DARS1: variants seen among roughly 807,000 people sequenced by gnomAD.
DARS1 encodes the protein aspartyl-tRNA synthetase 1.
Under a neutral mutation model 68.8 loss-of-function variants are expected in DARS1, and 51 were observed. The observed-to-expected ratio is 0.74, with a 90% CI of 0.59 to 0.94. The LOEUF (loss-of-function observed/expected upper bound fraction) is 0.94. DARS1 is among the 40% of genes least tolerant of loss of function. The pLI, the probability that DARS1 is intolerant of heterozygous loss-of-function variation, is 0.00. For missense variants in DARS1, 607 were observed against 597.3 expected, an observed-to-expected ratio of 1.02 and a Z score of -0.17; for synonymous variants, 203 against 190.4, an observed-to-expected ratio of 1.07 and a Z score of -0.55.
At chr2:135,928,922 A>C (rs1681283482) in intron 7 of DARS1, among the ~76,000 whole-genome samples, 1 of 152,170 alleles carries the variant, frequency 6.6e-6, no homozygotes, top group South Asian at 2.1e-4. Context: ...CTAATTGAAC[A>C]AAAGGAATAT....
At chr2:135,935,661 T>A (rs1681453396) in intron 5 of DARS1, among the ~76,000 whole-genome samples, 1 of 152,162 alleles carries the variant, frequency 6.6e-6, no homozygotes, top group African/African-American at 2.4e-5. Context: ...TAATTTCACA[T>A]TTTAGTGATA....
intron 7 of DARS1, 30 bp from the exon 8 acceptor site, chr2:135,924,528 T>C: frequency 6.3e-7 from 1 of 1,586,634 alleles, no homozygotes; most frequent in Non-Finnish European, 8.5e-7. Context: ...TCTAATTAAA[T>C]CAACGTACTT....
At chr2:135,941,210 C>T (rs1215055454) in intron 5 of DARS1, among the ~76,000 whole-genome samples, 1 of 152,178 alleles carries the variant, frequency 6.6e-6, no homozygotes, top group Non-Finnish European at 1.5e-5. Context: ...GAAGACAATC[C>T]TAAGCCAAAA....
chr2:135,948,594 G>C (rs557021070), intron 4 of DARS1, among the ~76,000 whole-genome samples: 4 of 152,332 alleles, frequency 2.6e-5, no homozygotes, highest in African/African-American at 9.6e-5. Context: ...GCTGGGTACA[G>C]TGGCTCATGC....
intron 3 of DARS1, among the ~76,000 whole-genome samples, chr2:135,966,678 T>G (rs1302301437): frequency 6.6e-6 from 1 of 152,148 alleles, no homozygotes; most frequent in Non-Finnish European, 1.5e-5. Flanking sequence ...ATTACAAGCG[T>G]GTAATCCCAT....
At chr2:135,960,532 AT>A (rs1447266443) in intron 4 of DARS1, among the ~76,000 whole-genome samples, 15 of 152,230 alleles carry the variant, frequency 9.9e-5, no homozygotes, top group Admixed American at 6.5e-4. Flanking sequence ...ATTTAAAAAA[AT>A]CAATAGAAAA....
At chr2:135,956,842 C>T (rs6742701) in intron 4 of DARS1, among the ~76,000 whole-genome samples, 2,118 of 152,202 alleles carry the variant, frequency 0.014, 43 homozygotes, top group African/African-American at 0.038. Flanking sequence ...CGGCTCACTG[C>T]AACCTCCATC....
At chr2:135,959,649 T>C (rs1029129115) in intron 4 of DARS1, among the ~76,000 whole-genome samples, 6 of 152,006 alleles carry the variant, frequency 3.9e-5, no homozygotes, top group South Asian at 2.1e-4. Flanking sequence ...TCCAAAATAA[T>C]AGGAATAACT....
rs975691472 is a variant in DARS1, at chr2:135,985,206, C to T, written c.66+197G>A. ...CTAGTAGGCCAAACTCCCAGGTGAC[C>T]CCCGCAAGAAACGCGGTCCGGAGAG... On this transcript the variant is annotated intron_variant, in intron 1 of 15. Coordinates refer to ENST00000264161, the MANE Select transcript of DARS1 (RefSeq NM_001349.4). 1.5e-5 allele frequency: 13 copies of T among 857,180 alleles called. No homozygotes were observed. The African/African-American group carries it at 2.0e-4, about 13-fold the overall frequency. The allele number at this position is 857,180 out of a possible 1,614,324, so 53.1% of individuals were successfully genotyped here.
At position 135,934,009 on chromosome 2, in the gene DARS1, C is replaced by G. The variant is rs1681411895; in HGVS notation, c.424-19G>C. ...CATAAATCTGTAAGTGAGAGATTAC[C>G]AAAAATAGTAGAAAGCACACAAAAT... On this transcript the variant is annotated intron_variant, in intron 5 of 15. Transcript: ENST00000264161. 3 of 1,604,516 alleles carry G rather than the reference C, an allele frequency of 1.9e-6. No homozygotes were observed. The highest frequency in any genetic ancestry group is 2.6e-6 in the Non-Finnish European group (3 of 1,174,252).
intron 12 of DARS1, 118 bp from the exon 13 acceptor site, chr2:135,912,684 T>C (rs572873948): frequency 2.2e-6 from 1 of 455,538 alleles, no homozygotes; most frequent in Admixed American, 4.2e-5. Flanking sequence ...TTATATTGTA[T>C]ATACAATGAA....
At chr2:135,930,563 T>G (rs528968926) in intron 7 of DARS1, among the ~76,000 whole-genome samples, 54 of 152,312 alleles carry the variant, frequency 3.5e-4, no homozygotes, top group African/African-American at 1.3e-3. Context: ...ATGTGTTCTT[T>G]GAAGATGACC....
chr2:135,913,711 T>C (rs998437496), intron 12 of DARS1, among the ~76,000 whole-genome samples: 3 of 151,324 alleles, frequency 2.0e-5, no homozygotes, highest in Admixed American at 1.3e-4. Context: ...TCAGCCAAGA[T>C]AGTGCCATTG....
Position 135,961,440 on chromosome 2 carries a change from C to A in DARS1, c.276G>T (p.Ala92=), listed in dbSNP as rs746768443. ...QQQFNVQALV[A]VGDHASKQMV... ...TCTGCTTGCTTGCATGGTCTCCCAC[C>A]GCCACAAGAGCCTGGACATTAAACT... is the stretch of plus-strand genomic sequence containing the variant. Residue 92 remains alanine (A), a synonymous_variant, in exon 4 of 16, where the codon GCG becomes GCT. Coordinates refer to ENST00000264161, the MANE Select transcript of DARS1 (RefSeq NM_001349.4). 1.9e-6 allele frequency: 3 copies of A among 1,556,004 alleles called. No homozygotes were observed. Among genetic ancestry groups the A allele is most frequent in the Non-Finnish European group, 2.7e-6 (3 of 1,127,042 alleles).
At chr2:135,930,861 A>G (rs1185577488) in intron 7 of DARS1, among the ~76,000 whole-genome samples, 1 of 152,192 alleles carries the variant, frequency 6.6e-6, no homozygotes, top group East Asian at 1.9e-4. Context: ...AAACCCTCCT[A>G]ACAACCTGCT....
intron 5 of DARS1, among the ~76,000 whole-genome samples, chr2:135,936,745 A>G (rs73957073): frequency 0.023 from 3,523 of 152,312 alleles, 131 homozygotes; most frequent in African/African-American, 0.08. Flanking sequence ...CAAAGACAAC[A>G]AAGTCATTTG....
At position 135,907,242 on chromosome 2, in the gene DARS1, CTTTTTT is replaced by C. The variant is rs992435404; in HGVS notation, c.*68_*73del. On this transcript the variant is annotated 3_prime_UTR_variant, in exon 16 of 16. Coordinates refer to ENST00000264161, the MANE Select transcript of DARS1 (RefSeq NM_001349.4). The stretch of plus-strand genomic sequence containing the variant: ...TACTGAAAAGAATAAGTGTGGCTTT[CTTTTTT>C]TTTTTTTTTTTTTGAGGCAGGGTCT... The C allele has an allele frequency of 1.3e-3, 592 of 452,560 alleles. No individual in the cohort carries two copies. Among genetic ancestry groups the C allele is most frequent in the Middle Eastern group, 3.7e-3 (5 of 1,340 alleles). 28.0% of individuals were successfully genotyped at this position (452,560 alleles called of 1,614,324 possible).
chr2:135,985,319 G>T, intron 1 of DARS1, 84 bp downstream of exon 1: 3 of 1,530,330 alleles, frequency 2.0e-6, no homozygotes, highest in Non-Finnish European at 2.6e-6. Flanking sequence ...AGGACCTGTA[G>T]GGCCCCACTC....
intron 3 of DARS1, among the ~76,000 whole-genome samples, chr2:135,963,238 T>TA (rs1489540706): frequency 3.3e-5 from 5 of 152,346 alleles, no homozygotes; most frequent in East Asian, 3.9e-4. Flanking sequence ...GGAAAATTAT[T>TA]AAACCACTTT....
Sources: allele counts gnomAD v4.1 joint callset (sites outside exome capture counted in the v4.1 genomes callset), GRCh38; gene constraint gnomAD v4.1.1; transcripts MANE v1.5; gene names NCBI Gene and HGNC (gene_info 2026-07-23, HGNC 2026-07-21).